Variants in MAGI2 observed in about 807,000 individuals in gnomAD.
The protein encoded by MAGI2 is membrane-associated guanylate kinase, WW and PDZ domain-containing protein 2.
In MAGI2, 35 loss-of-function variants were observed where a neutral mutation model predicts 133.3. The observed-to-expected ratio is 0.26, with a 90% CI of 0.20 to 0.35. MAGI2 has a LOEUF of 0.35. MAGI2 is among the 10% of genes least tolerant of loss of function. MAGI2 has a pLI of 1.00. For synonymous variants in MAGI2, 729 were observed against 710.6 expected (o/e 1.03, Z -0.41); for missense variants, 1,636 against 1,863.4 (o/e 0.88, Z 2.25).
chr7:78,745,328 C>T (rs1343141317), intron 2 of MAGI2, among the ~76,000 whole-genome samples: 1 of 152,132 alleles, frequency 6.6e-6, no homozygotes, highest in African/African-American at 2.4e-5. Flanking sequence ...GCATTTCCCA[C>T]AGTACCAGTG....
intron 2 of MAGI2, among the ~76,000 whole-genome samples, chr7:78,955,276 T>A (rs1210339145): frequency 2.0e-5 from 3 of 152,072 alleles, no homozygotes; most frequent in Non-Finnish European, 4.4e-5. Context: ...TTTATACATA[T>A]ATGATAGGAG....
intron 3 of MAGI2, among the ~76,000 whole-genome samples, chr7:78,605,631 A>AC (rs754058234): frequency 7.9e-5 from 12 of 152,240 alleles, no homozygotes; most frequent in Non-Finnish European, 1.5e-4. Flanking sequence ...GGGACATAGA[A>AC]CACAGAGCAT....
chr7:78,109,253 G>A (rs1424220036), intron 20 of MAGI2, among the ~76,000 whole-genome samples: 6 of 115,054 alleles, frequency 5.2e-5, no homozygotes, highest in Non-Finnish European at 6.6e-5. Context: ...GCAGTGAGCC[G>A]ACATCGAGCC....
At chr7:78,838,971 C>A (rs1322336091) in intron 2 of MAGI2, among the ~76,000 whole-genome samples, 1 of 152,034 alleles carries the variant, frequency 6.6e-6, no homozygotes, top group Non-Finnish European at 1.5e-5. Context: ...CACCTCTCAA[C>A]TTATGTGCAT....
chr7:78,130,686 T>C (rs1821477172), intron 18 of MAGI2, among the ~76,000 whole-genome samples: 1 of 152,212 alleles, frequency 6.6e-6, no homozygotes, highest in Non-Finnish European at 1.5e-5. Context: ...GGGCACTTCC[T>C]GGGCTGTTAA....
chr7:78,580,921 A>T (rs1802769150), intron 3 of MAGI2, among the ~76,000 whole-genome samples: 1 of 152,236 alleles, frequency 6.6e-6, no homozygotes, highest in African/African-American at 2.4e-5. Context: ...CAAGATAATG[A>T]CATCACAAAT....
intron 1 of MAGI2, among the ~76,000 whole-genome samples, chr7:79,082,004 C>T (rs956593776): frequency 3.9e-5 from 6 of 152,044 alleles, no homozygotes; most frequent in African/African-American, 9.7e-5. Context: ...ATTACCGAGT[C>T]ATAGGGTAAC....
chr7:79,178,585 A>G (rs1826331303), intron 1 of MAGI2, among the ~76,000 whole-genome samples: 1 of 151,684 alleles, frequency 6.6e-6, no homozygotes, highest in Non-Finnish European at 1.5e-5. Context: ...GGTGGCATGC[A>G]ACTGTAGTCC....
chr7:78,197,764 A>G (rs1828867170), intron 11 of MAGI2: 1 of 152,270 alleles, frequency 6.6e-6, no homozygotes. Flanking sequence ...ACTGCACCCA[A>G]GAAAAAGCAG....
chr7:78,288,877 C>T (rs1470968968), intron 9 of MAGI2, among the ~76,000 whole-genome samples: 8 of 152,220 alleles, frequency 5.3e-5, no homozygotes, highest in Admixed American at 3.9e-4. Context: ...AACAGACCTG[C>T]AGCTGAGGAT....
rs193240380 is a variant in MAGI2 at position 79,181,178 on chromosome 7, C to T, written c.302-173972G>A. On this transcript the variant is annotated intron_variant, in intron 1 of 21. Coordinates refer to ENST00000354212, the MANE Select transcript of MAGI2 (RefSeq NM_012301.4). Reference sequence around the variant, plus strand: ...CTTCTCACAACTCCACTAGGCAGTGCCCCAGTAGAGACTCTGTGTGGGGGC... The same window carrying T: ...CTTCTCACAACTCCACTAGGCAGTGTCCCAGTAGAGACTCTGTGTGGGGGC... Among the ~76,000 whole-genome samples the T allele has an allele frequency of 1.5e-3, 230 of 152,062 alleles. 2 individuals carry two copies. The highest frequency in any genetic ancestry group is 5.4e-3 in the African/African-American group (224 of 41,418).
At chr7:79,146,261 A>AT (rs1470881263) in intron 1 of MAGI2, among the ~76,000 whole-genome samples, 1 of 152,160 alleles carries the variant, frequency 6.6e-6, no homozygotes, top group African/African-American at 2.4e-5. Context: ...TTAAGTTTGG[A>AT]TTTTTTCAGG....
intron 3 of MAGI2, among the ~76,000 whole-genome samples, chr7:78,541,878 G>A (rs1234603300): frequency 2.0e-5 from 3 of 152,144 alleles, no homozygotes; most frequent in Non-Finnish European, 2.9e-5. Context: ...AAAGACTGAG[G>A]ACAATGTAGT....
chr7:78,507,882 G>T (rs1002888184), intron 4 of MAGI2, among the ~76,000 whole-genome samples: 3 of 152,156 alleles, frequency 2.0e-5, no homozygotes, highest in African/African-American at 7.2e-5. Context: ...ATTTTCTAGG[G>T]CTGCCATAAT....
At chr7:79,187,769 T>C (rs924787797) in intron 1 of MAGI2, among the ~76,000 whole-genome samples, 1 of 152,014 alleles carries the variant, frequency 6.6e-6, no homozygotes, top group Admixed American at 6.6e-5. Context: ...CATGGTTGTG[T>C]TTCACAGATA....
intron 1 of MAGI2, among the ~76,000 whole-genome samples, chr7:79,392,630 T>C (rs1000745867): frequency 1.3e-4 from 20 of 152,230 alleles, no homozygotes; most frequent in Admixed American, 6.5e-5. Context: ...CTTTTTTTCA[T>C]ATGTTTGTTG....
chr7:79,167,567 CT>C (rs1344332221), intron 1 of MAGI2, among the ~76,000 whole-genome samples: 3 of 151,884 alleles, frequency 2.0e-5, no homozygotes, highest in Admixed American at 6.6e-5. Context: ...TGTTTCACCC[CT>C]GGTTTACTTT....
chr7:78,386,232 C>G (rs890500293), intron 6 of MAGI2, among the ~76,000 whole-genome samples: 5 of 152,084 alleles, frequency 3.3e-5, no homozygotes, highest in Non-Finnish European at 7.4e-5. Flanking sequence ...TTGCATTACT[C>G]TCTCCATACA....
intron 20 of MAGI2, among the ~76,000 whole-genome samples, chr7:78,101,747 A>C (rs1818227171): frequency 6.6e-6 from 1 of 152,208 alleles, no homozygotes; most frequent in Non-Finnish European, 1.5e-5. Flanking sequence ...GAACCTTTGT[A>C]CCACTGTTGA....
Sources: gnomAD v4.1 joint callset for allele counts (sites outside exome capture counted in the v4.1 genomes callset) on GRCh38, gnomAD v4.1.1 for gene constraint, MANE v1.5 for transcripts, NCBI Gene and HGNC (gene_info 2026-07-23, HGNC 2026-07-21) for gene names.